EGLN1: variants seen among roughly 807,000 people sequenced by gnomAD.
The protein encoded by EGLN1 is egl nine homolog 1.
In EGLN1, 17 loss-of-function variants were observed where a neutral mutation model predicts 38.3. The observed-to-expected ratio is 0.44, with a 90% confidence interval of 0.30 to 0.67. The LOEUF is 0.67. Among genes scored for constraint, EGLN1 ranks in the 30% least tolerant of loss-of-function variants. The pLI is 0.08. For synonymous variants in EGLN1, 283 were observed against 257.5 expected (o/e 1.10, Z -0.95); for missense variants, 477 against 603.3 (o/e 0.79, Z 2.19).
In EGLN1 at chr1:231,422,179, T is replaced by A; in HGVS notation, c.-291A>T. ...CAACCTGGGCTCAGGCGCGCGGGCC[T>A]GGGGAGCGCAAGACCGGCCCCCTCG... On this transcript the variant is annotated 5_prime_UTR_variant, in exon 1 of 5. Coordinates refer to ENST00000366641, the MANE Select transcript of EGLN1 (RefSeq NM_022051.3). The A allele has an allele frequency of 4.3e-6, 1 of 230,488 alleles. No homozygotes were observed. The highest frequency in any genetic ancestry group is 8.3e-6 in the Non-Finnish European group (1 of 120,760). The allele number at this position is 230,488 out of a possible 1,614,324, so 14.3% of individuals were successfully genotyped here.
chr1:231,406,374 T>C (rs1201451463), intron 1 of EGLN1, among the ~76,000 whole-genome samples: 1 of 152,054 alleles, frequency 6.6e-6, no homozygotes, highest in Non-Finnish European at 1.5e-5. Flanking sequence ...TCTAGAATTC[T>C]AAAGCAAGAA....
rs1318197572 is a variant in EGLN1 at position 231,363,789 on chromosome 1, T to A, written c.*2622A>T. On this transcript the variant is annotated 3_prime_UTR_variant, in exon 5 of 5. Coordinates refer to ENST00000366641, the MANE Select transcript of EGLN1 (RefSeq NM_022051.3). ...ACATTTATACATCTTTTTAATTAGA[T>A]TAGCTTTACAAGCAACTTGAGAGCT... 6.6e-6 allele frequency: 1 copy of A among 152,250 alleles called. No homozygotes were observed. The highest frequency in any genetic ancestry group is 1.9e-4 in the East Asian group (1 of 5,206). The allele number at this position is 152,250 out of a possible 1,614,324, so 9.4% of individuals were successfully genotyped here.
At chr1:231,408,672 G>A (rs564178545) in intron 1 of EGLN1, among the ~76,000 whole-genome samples, 1 of 152,194 alleles carries the variant, frequency 6.6e-6, no homozygotes, top group East Asian at 1.9e-4. Flanking sequence ...CACCAATGTT[G>A]GAAATACAAG....
At chr1:231,395,614 G>A (rs1432383598) in intron 1 of EGLN1, among the ~76,000 whole-genome samples, 3 of 152,206 alleles carry the variant, frequency 2.0e-5, no homozygotes, top group African/African-American at 7.2e-5. Flanking sequence ...TGAAAGGAAT[G>A]CAGTGATCTA....
intron 1 of EGLN1, among the ~76,000 whole-genome samples, chr1:231,395,820 A>C (rs975301725): frequency 2.0e-5 from 3 of 152,172 alleles, no homozygotes; most frequent in Non-Finnish European, 4.4e-5. Flanking sequence ...CATCCATGCC[A>C]GACCTACTGA....
Position 231,370,821 on chromosome 1 carries a change from A to G in EGLN1, c.1012-123T>C, listed in dbSNP as rs1438434272. The G allele has an allele frequency of 5.4e-6, 6 of 1,119,390 alleles. No individual in the cohort carries two copies. In the African/African-American group the frequency reaches 7.7e-5, roughly 14 times the overall value. The allele number at this position is 1,119,390 out of a possible 1,614,324, so 69.3% of individuals were successfully genotyped here. On this transcript the variant is annotated intron_variant, in intron 2 of 4. Transcript: ENST00000366641. ...ATTATTCACAAATACGTCTCAATAA[A>G]GTATGAAGATGAGCTGCAATTTTAA...
rs140403148 is a variant in EGLN1 at position 231,418,319 on chromosome 1, C to A, written c.891+2679G>T. On this transcript the variant is annotated intron_variant, in intron 1 of 4. Coordinates refer to ENST00000366641, the MANE Select transcript of EGLN1 (RefSeq NM_022051.3). ...AGAGTATGATTACTCACATATAAAG[C>A]TAGTGCTATTCACCCACTTTCAACA... Among the ~76,000 whole-genome samples, 265 of 152,292 alleles carry A rather than the reference C, an allele frequency of 1.7e-3. 1 individual carries two copies. The highest frequency in any genetic ancestry group is 6.2e-3 in the African/African-American group (258 of 41,550).
intron 1 of EGLN1, among the ~76,000 whole-genome samples, chr1:231,387,376 T>G (rs556735870): frequency 2.1e-4 from 32 of 150,718 alleles, no homozygotes; most frequent in South Asian, 1.1e-3. Context: ...TTTTTTTTTT[T>G]TGTGACGGCG....
At chr1:231,380,376 G>A (rs1172247955) in intron 1 of EGLN1, among the ~76,000 whole-genome samples, 1 of 149,116 alleles carries the variant, frequency 6.7e-6, no homozygotes, top group Non-Finnish European at 1.5e-5. Flanking sequence ...CTTGATCACA[G>A]TAAACAACTC....
intron 1 of EGLN1, among the ~76,000 whole-genome samples, chr1:231,386,423 T>C (rs1276491298): frequency 1.3e-5 from 2 of 152,242 alleles, no homozygotes; most frequent in Non-Finnish European, 2.9e-5. Flanking sequence ...GTGTGGTTAA[T>C]GTAAGGACAA....
At chr1:231,375,111 T>G (rs911132170) in intron 1 of EGLN1, among the ~76,000 whole-genome samples, 1 of 152,218 alleles carries the variant, frequency 6.6e-6, no homozygotes, top group Non-Finnish European at 1.5e-5. Context: ...CAGGCTAGAG[T>G]GCAGTGGCAC....
At chr1:231,369,607 ATT>A (rs1687762821) in intron 3 of EGLN1, 1 of 985,082 alleles carries the variant, frequency 1.0e-6, no homozygotes, top group South Asian at 4.7e-5. Context: ...CAGTACGTGA[ATT>A]AGGATGCAGG....
At chr1:231,408,932 G>A (rs925696518) in intron 1 of EGLN1, among the ~76,000 whole-genome samples, 1 of 152,018 alleles carries the variant, frequency 6.6e-6, no homozygotes, top group African/African-American at 2.4e-5. Flanking sequence ...AGGTTCCTGT[G>A]GCTGGAACAG....
chr1:231,388,264 G>A (rs1688271913), intron 1 of EGLN1, among the ~76,000 whole-genome samples: 1 of 114,944 alleles, frequency 8.7e-6, no homozygotes, highest in Non-Finnish European at 2.1e-5. Flanking sequence ...TAAATTGAGA[G>A]AACTGTAAGA....
chr1:231,376,814 G>A (rs570025847), intron 1 of EGLN1, among the ~76,000 whole-genome samples: 8 of 152,256 alleles, frequency 5.3e-5, no homozygotes, highest in South Asian at 2.1e-4. Context: ...TGAAGGGAGC[G>A]GCAAGTTGGG....
rs138916557 is a variant in EGLN1, at chr1:231,386,030, G to A, written c.892-11931C>T. Reference sequence around the variant, plus strand: ...GTCTTACTTACTATGTTGCCCAGCTGGCCTCGGACTTCTGGACTCAAGTGA... The same window carrying A: ...GTCTTACTTACTATGTTGCCCAGCTAGCCTCGGACTTCTGGACTCAAGTGA... On this transcript the variant is annotated intron_variant, in intron 1 of 4. Coordinates refer to ENST00000366641, the MANE Select transcript of EGLN1 (RefSeq NM_022051.3). 8.5e-3 allele frequency among the ~76,000 whole-genome samples: 1,299 copies of A among 151,934 alleles called. 13 individuals are homozygous for A. Among genetic ancestry groups the A allele is most frequent in the Middle Eastern group, 0.014 (4 of 294 alleles).
intron 4 of EGLN1, among the ~76,000 whole-genome samples, chr1:231,367,076 A>AT (rs1172526249): frequency 6.6e-6 from 1 of 152,238 alleles, no homozygotes; most frequent in Non-Finnish European, 1.5e-5. Context: ...TATGTACACC[A>AT]TTAGCAGATA....
At chr1:231,370,963 C>T (rs1305376710) in intron 2 of EGLN1, among the ~76,000 whole-genome samples, 1 of 152,194 alleles carries the variant, frequency 6.6e-6, no homozygotes, top group Non-Finnish European at 1.5e-5. Flanking sequence ...AATCTCAGCT[C>T]ACTGCAACCT....
chr1:231,377,016 G>C (rs1687977512), intron 1 of EGLN1, among the ~76,000 whole-genome samples: 1 of 152,206 alleles, frequency 6.6e-6, no homozygotes, highest in South Asian at 2.1e-4. Context: ...ATTGTGCTAA[G>C]AAGGGCCAGG....
Sources: gnomAD v4.1 joint callset for allele counts (sites outside exome capture counted in the v4.1 genomes callset) on GRCh38, gnomAD v4.1.1 for gene constraint, MANE v1.5 for transcripts, NCBI Gene and HGNC (gene_info 2026-07-23, HGNC 2026-07-21) for gene names.